Variants in TERF2IP observed in about 807,000 individuals in gnomAD.
TERF2IP encodes TERF2 interacting protein, also known as telomeric repeat-binding factor 2-interacting protein 1.
TERF2IP carries 35 observed loss-of-function variants against 33.3 expected under a neutral mutation model. The observed-to-expected ratio is 1.05, with a 90% CI of 0.80 to 1.39. The LOEUF (loss-of-function observed/expected upper bound fraction) is 1.39, where lower values mean the gene tolerates loss of function less well. Among genes scored for constraint, TERF2IP ranks in the 40% most tolerant of loss-of-function variants. TERF2IP has a pLI of 0.00. For missense variants in TERF2IP, 583 were observed against 524.8 expected, an observed-to-expected ratio of 1.11 and a Z score of -1.08; for synonymous variants, 253 against 223.2, an observed-to-expected ratio of 1.13 and a Z score of -1.19.
rs2082390564 is a variant in TERF2IP at position 75,656,801 on chromosome 16, A to G, written c.*190A>G. On this transcript the variant is annotated 3_prime_UTR_variant, in exon 3 of 3. Coordinates refer to ENST00000300086, the MANE Select transcript of TERF2IP (RefSeq NM_018975.4). ...GTAGAGGGGGATAAAAAGAAAAGAA[A>G]TTGGATGTATTTACAGCTGTCCTTG... is the stretch of plus-strand genomic sequence containing the variant. 1 of 590,714 alleles carries G rather than the reference A, an allele frequency of 1.7e-6. No individual in the cohort carries two copies. Among genetic ancestry groups the G allele is most frequent in the South Asian group, 2.2e-5 (1 of 45,276 alleles). The allele number at this position is 590,714 out of a possible 1,614,324, so 36.6% of individuals were successfully genotyped here. A position where few individuals can be genotyped will look rare whatever the true frequency, so the allele number is the denominator to read the frequency against.
intron 1 of TERF2IP, among the ~76,000 whole-genome samples, chr16:75,649,950 T>G (rs1288694325): frequency 6.6e-6 from 1 of 152,200 alleles, no homozygotes; most frequent in Admixed American, 6.5e-5. Flanking sequence ...CCCTCCGTAA[T>G]CCTCCCACCT....
Position 75,648,220 on chromosome 16 carries a change from C to A in TERF2IP, c.338C>A (p.Ala113Glu). ...TCGGCGGCGGACACCGGCTCGGAAG[C>A]AAAGCCCGGGGCCCTGGCCGAGGGC... ...PASAADTGSE[A>E]KPGALAEGAA... The change falls in exon 1 of 3, where the codon GCA becomes GAA. Residue 113 changes from alanine (A) to glutamate (E), a missense_variant. Physicochemically the swap from Ala to Glu is moderately radical, Grantham distance 107. Coordinates refer to ENST00000300086, the MANE Select transcript of TERF2IP (RefSeq NM_018975.4). 2 of 1,545,258 alleles carry A rather than the reference C, an allele frequency of 1.3e-6. No homozygotes were observed. The highest frequency in any genetic ancestry group is 2.4e-5 in the South Asian group (2 of 84,160).
chr16:75,655,300 T>C (rs1221258512), intron 2 of TERF2IP, among the ~76,000 whole-genome samples: 1 of 152,260 alleles, frequency 6.6e-6, no homozygotes, highest in Non-Finnish European at 1.5e-5. Flanking sequence ...GAATCTGATA[T>C]TTAATAATAG....
chr16:75,656,362 C>A lies in TERF2IP; in HGVS notation c.951C>A (p.Ile317=). 1.9e-6 allele frequency: 3 copies of A among 1,614,172 alleles called. No homozygotes were observed. The South Asian group carries it at 3.3e-5, about 18-fold the overall frequency. The change falls in exon 3 of 3, where the codon ATC becomes ATA. Residue 317 remains isoleucine, a synonymous_variant. Transcript: ENST00000300086. ...SQPEVGAAIK[I]IRQLMEKFNL... ...CAGAGGTGGGAGCTGCCATTAAGAT[C>A]ATTCGGCAGTTAATGGAGAAGTTTA...
chr16:75,656,389 C>T lies in TERF2IP; in HGVS notation c.978C>T (p.Asn326=), dbSNP rs1187298566. The change falls in exon 3 of 3, where the codon AAC becomes AAT. Residue 326 remains asparagine, a synonymous_variant. Transcript: ENST00000300086. ...TTCGGCAGTTAATGGAGAAGTTTAA[C>T]TTGGATCTATCAACAGTTACACAGG... is the stretch of plus-strand genomic sequence containing the variant. The part of the protein sequence containing the change: ...KIIRQLMEKF[N]LDLSTVTQAF... The T allele has an allele frequency of 8.1e-6, 13 of 1,614,064 alleles. 1 individual carries two copies. Among genetic ancestry groups the T allele is most frequent in the Non-Finnish European group, 1.1e-5 (13 of 1,180,032 alleles).
chr16:75,655,632 T>A (rs2082378844), intron 2 of TERF2IP, among the ~76,000 whole-genome samples: 1 of 152,216 alleles, frequency 6.6e-6, no homozygotes, highest in African/African-American at 2.4e-5. Flanking sequence ...AAACATGACC[T>A]ACCTAGGCCT....
chr16:75,654,450 G>C, intron 2 of TERF2IP, 53 bp downstream of exon 2: 22 of 1,582,608 alleles, frequency 1.4e-5, no homozygotes, highest in Non-Finnish European at 1.9e-5. Context: ...ATTCTTCTTT[G>C]AAACTGGTTA....
At chr16:75,655,397 CTT>C (rs2082377205) in intron 2 of TERF2IP, among the ~76,000 whole-genome samples, 1 of 152,170 alleles carries the variant, frequency 6.6e-6, no homozygotes, top group South Asian at 2.1e-4. Context: ...GATAAAGCGT[CTT>C]GTGAACTAAC....
In TERF2IP at chr16:75,647,805, T is replaced by A. The variant is rs988501753; in HGVS notation, c.-78T>A. 54 of 1,589,734 alleles carry A rather than the reference T, an allele frequency of 3.4e-5. No individual in the cohort carries two copies. Among genetic ancestry groups the A allele is most frequent in the Non-Finnish European group, 4.0e-5 (47 of 1,161,116 alleles). On this transcript the variant is annotated 5_prime_UTR_variant, in exon 1 of 3. Transcript: ENST00000300086. ...CGCTTCGCGGCAGAGGCGTCTGCGG[T>A]GACAGCTCAGTCAGTTGAGCTCTGT... is the stretch of plus-strand genomic sequence containing the variant.
At chr16:75,653,052 A>G (rs2082358729) in intron 1 of TERF2IP, among the ~76,000 whole-genome samples, 1 of 152,218 alleles carries the variant, frequency 6.6e-6, no homozygotes, top group Admixed American at 6.5e-5. Context: ...ACTTTACATA[A>G]TATCTTCAAA....
At chr16:75,650,313 C>G (rs990729037) in intron 1 of TERF2IP, among the ~76,000 whole-genome samples, 1 of 152,104 alleles carries the variant, frequency 6.6e-6, no homozygotes, top group Non-Finnish European at 1.5e-5. Flanking sequence ...AGTGAAAGAG[C>G]AACCCAGGTG....
rs60545422 is a variant in TERF2IP, at chr16:75,655,960, C to T, written c.796-247C>T. ...ATAGTCAATTATACACACATATACA[C>T]ATATACTCCCCCTACCCCTCACACA... On this transcript the variant is annotated intron_variant, in intron 2 of 2. Transcript: ENST00000300086. Among the ~76,000 whole-genome samples, 16,633 of 152,120 alleles carry T rather than the reference C, an allele frequency of 0.11. 1,805 individuals carry two copies. Among genetic ancestry groups the T allele is most frequent in the African/African-American group, 0.29 (11,843 of 41,434 alleles).
At chr16:75,648,761 C>G in intron 1 of TERF2IP, 1 of 1,378,450 alleles carries the variant, frequency 7.3e-7, no homozygotes, top group Non-Finnish European at 9.5e-7. Flanking sequence ...GTCTCTGTTA[C>G]CTAAGCTGGT....
intron 1 of TERF2IP, among the ~76,000 whole-genome samples, chr16:75,652,741 GA>G (rs1459335310): frequency 6.6e-6 from 1 of 152,110 alleles, no homozygotes; most frequent in Non-Finnish European, 1.5e-5. Context: ...TTACAGTTCA[GA>G]TAGTTTTTTA....
intron 1 of TERF2IP, among the ~76,000 whole-genome samples, chr16:75,649,860 A>G (rs1257320462): frequency 6.6e-6 from 1 of 152,158 alleles, no homozygotes; most frequent in Non-Finnish European, 1.5e-5. Flanking sequence ...GTCTGTTAAG[A>G]TGTACTTGGT....
chr16:75,652,962 T>C lies in TERF2IP; in HGVS notation c.671-1311T>C, dbSNP rs566900890. Among the ~76,000 whole-genome samples the C allele has an allele frequency of 3.9e-5, 6 of 152,356 alleles. No homozygotes were observed. In the South Asian group the frequency reaches 1.2e-3, roughly 32 times the overall value. ...CTGGAAACAACCATTCCGCCTTCTG[T>C]TTCTATGAATTCAATATTTCTAGAT... is the stretch of plus-strand genomic sequence containing the variant. On this transcript the variant is annotated intron_variant, in intron 1 of 2. Transcript: ENST00000300086.
In TERF2IP at chr16:75,656,268, CACCTGAGGAAG is replaced by C. The variant is rs1331967097; in HGVS notation, c.860_870del (p.Pro287LeufsTer6). On this transcript the variant is annotated frameshift_variant, in exon 3 of 3. Transcript: ENST00000300086. LOFTEE classifies it high-confidence loss of function. ...ACTATGTGTGATGATGATCCACCCA[CACCTGAGGAAG>C]ACTCAGAAACACAGCCTGATGAGGA... 6.2e-7 allele frequency: 1 copy of C among 1,614,110 alleles called. No individual in the cohort carries two copies. The highest frequency in any genetic ancestry group is 8.5e-7 in the Non-Finnish European group (1 of 1,180,014).
chr16:75,656,363 A>G lies in TERF2IP; in HGVS notation c.952A>G (p.Ile318Val). ...AGAGGTGGGAGCTGCCATTAAGATC[A>G]TTCGGCAGTTAATGGAGAAGTTTAA... The part of the protein sequence containing the change: ...QPEVGAAIKI[I>V]RQLMEKFNLD... Residue 318 changes from isoleucine (I) to valine (V), a missense_variant, in exon 3 of 3, where the codon ATT becomes GTT. Transcript: ENST00000300086. The G allele has an allele frequency of 1.9e-6, 3 of 1,614,180 alleles. No homozygotes were observed. Among genetic ancestry groups the G allele is most frequent in the East Asian group, 2.2e-5 (1 of 44,888 alleles).
At chr16:75,650,126 A>T (rs1280430483) in intron 1 of TERF2IP, among the ~76,000 whole-genome samples, 1 of 152,236 alleles carries the variant, frequency 6.6e-6, no homozygotes, top group Non-Finnish European at 1.5e-5. Flanking sequence ...TCCTGCTGGA[A>T]TATAACAATA....
Sources: allele counts gnomAD v4.1 joint callset (sites outside exome capture counted in the v4.1 genomes callset), GRCh38; gene constraint gnomAD v4.1.1; transcripts MANE v1.5; gene names NCBI Gene and HGNC (gene_info 2026-07-23, HGNC 2026-07-21).